Variants in IPMK observed in about 807,000 individuals in gnomAD.
The protein encoded by IPMK is inositol 1,3,4,6-tetrakisphosphate 5-kinase.
IPMK carries 17 observed loss-of-function variants against 45.8 expected under a neutral mutation model. The observed-to-expected ratio is 0.37, with a 90% CI of 0.25 to 0.56. IPMK has a LOEUF of 0.56. Among genes scored for constraint, IPMK ranks in the 20% least tolerant of loss-of-function variants. IPMK has a pLI of 0.79. For synonymous variants in IPMK, 180 were observed against 184.3 expected, an observed-to-expected ratio of 0.98 and a Z score of 0.19; for missense variants, 399 against 498.0, an observed-to-expected ratio of 0.80 and a Z score of 1.89.
In IPMK at chr10:58,193,799, G is replaced by T. The variant is rs191354578; in HGVS notation, c.*2277C>A. On this transcript the variant is annotated 3_prime_UTR_variant, in exon 6 of 6. Transcript: ENST00000373935. ...AATAGCGATCATTCATCCCCACAGT[G>T]GTAAATTTCAGCATAATATTAAGTG... The T allele has an allele frequency of 6.6e-6, 1 of 151,752 alleles. No homozygotes were observed. The highest frequency in any genetic ancestry group is 2.4e-5 in the African/African-American group (1 of 41,476). 9.4% of individuals were successfully genotyped at this position (151,752 alleles called of 1,614,324 possible).
At chr10:58,259,907 T>C (rs1182025893) in intron 1 of IPMK, among the ~76,000 whole-genome samples, 7 of 152,112 alleles carry the variant, frequency 4.6e-5, no homozygotes, top group Non-Finnish European at 7.4e-5. Flanking sequence ...GCAATTATCA[T>C]AGTACTATAT....
chr10:58,256,936 A>G (rs760211236), intron 1 of IPMK, among the ~76,000 whole-genome samples: 5 of 152,190 alleles, frequency 3.3e-5, no homozygotes, highest in Non-Finnish European at 5.9e-5. Flanking sequence ...ATGTTGGCAC[A>G]TGCCTATGGT....
At chr10:58,217,688 C>CAAAAAAAAAAAAAAAAAA (rs11393849) in intron 3 of IPMK, among the ~76,000 whole-genome samples, 18 of 49,256 alleles carry the variant, frequency 3.7e-4, no homozygotes, top group East Asian at 1.4e-3. Context: ...AACTCCATCT[C>CAAAAAAAAAAAAAAAAAA]AAAAAAAAAA....
chr10:58,221,669 T>C (rs975836055), intron 3 of IPMK, among the ~76,000 whole-genome samples: 2 of 152,030 alleles, frequency 1.3e-5, no homozygotes, highest in South Asian at 2.1e-4. Context: ...AGTGATCCTC[T>C]CGCTGCAGCC....
intron 2 of IPMK, among the ~76,000 whole-genome samples, chr10:58,229,689 A>C (rs559030219): frequency 6.6e-5 from 10 of 152,272 alleles, no homozygotes; most frequent in Admixed American, 1.3e-4. Context: ...GAACAAATGA[A>C]AGAAAGAAAG....
intron 1 of IPMK, among the ~76,000 whole-genome samples, chr10:58,247,556 C>G (rs999384660): frequency 9.2e-5 from 14 of 151,780 alleles, no homozygotes; most frequent in African/African-American, 3.4e-4. Flanking sequence ...ATCACAAGAA[C>G]AAAAAACCAA....
At chr10:58,214,217 G>A (rs1035003547) in intron 4 of IPMK, among the ~76,000 whole-genome samples, 8 of 151,810 alleles carry the variant, frequency 5.3e-5, no homozygotes, top group Admixed American at 3.3e-4. Flanking sequence ...TTCAGAGGGC[G>A]TACAGAGGAA....
At chr10:58,228,930 C>T (rs1290700518) in intron 2 of IPMK, among the ~76,000 whole-genome samples, 2 of 152,082 alleles carry the variant, frequency 1.3e-5, no homozygotes, top group East Asian at 3.9e-4. Flanking sequence ...AGTGTTAACC[C>T]AAGCAGTGAT....
At chr10:58,266,993 A>T (rs1418171901) in intron 1 of IPMK, among the ~76,000 whole-genome samples, 1 of 152,190 alleles carries the variant, frequency 6.6e-6, no homozygotes, top group Non-Finnish European at 1.5e-5. Context: ...CCCAGCAGAG[A>T]AGTACTAGAT....
At chr10:58,246,387 T>G (rs1452825942) in intron 1 of IPMK, among the ~76,000 whole-genome samples, 45 of 138,290 alleles carry the variant, frequency 3.3e-4, no homozygotes, top group Non-Finnish European at 5.9e-4. Flanking sequence ...GGCATCACAC[T>G]ACCTGACTTC....
rs529139505 is a variant in IPMK, at chr10:58,192,719, A to C, written c.*3357T>G. The C allele has an allele frequency of 7.9e-5, 12 of 152,144 alleles. No homozygotes were observed. Among genetic ancestry groups the C allele is most frequent in the African/African-American group, 2.9e-4 (12 of 41,554 alleles). The allele number at this position is 152,144 out of a possible 1,614,324, so 9.4% of individuals were successfully genotyped here. A position where few individuals can be genotyped will look rare whatever the true frequency, so the allele number is the denominator to read the frequency against. ...AAGGAATATTTTTGAATGAACTAAGAAGCCTGGCCTCCAAAGGCAACCCTA... is the reference window on the plus strand; with the variant it reads ...AAGGAATATTTTTGAATGAACTAAGCAGCCTGGCCTCCAAAGGCAACCCTA... On this transcript the variant is annotated 3_prime_UTR_variant, in exon 6 of 6. Transcript: ENST00000373935.
intron 4 of IPMK, among the ~76,000 whole-genome samples, chr10:58,213,530 AC>A (rs1371221501): frequency 6.6e-6 from 1 of 152,132 alleles, no homozygotes; most frequent in African/African-American, 2.4e-5. Context: ...TAAAAAAAAT[AC>A]TAAAAATTAG....
chr10:58,215,027 A>C (rs2790154), intron 4 of IPMK, among the ~76,000 whole-genome samples: 51,415 of 151,968 alleles, frequency 0.34, 10,941 homozygotes, highest in African/African-American at 0.61. Context: ...CAGCAAATAA[A>C]TTCCTAACCT....
At chr10:58,243,247 G>GT (rs1838723936) in intron 1 of IPMK, among the ~76,000 whole-genome samples, 3 of 151,920 alleles carry the variant, frequency 2.0e-5, no homozygotes, top group Non-Finnish European at 4.4e-5. Flanking sequence ...AAAAAAAAGG[G>GT]GTATAGGCAT....
chr10:58,230,891 G>A (rs967635018), intron 2 of IPMK, among the ~76,000 whole-genome samples: 8 of 152,088 alleles, frequency 5.3e-5, no homozygotes, highest in Non-Finnish European at 1.0e-4. Context: ...AGCTAAAGGA[G>A]GATGTTCGAA....
intron 3 of IPMK, among the ~76,000 whole-genome samples, chr10:58,226,307 T>C (rs1169868350): frequency 6.6e-6 from 1 of 152,202 alleles, no homozygotes; most frequent in Admixed American, 6.5e-5. Flanking sequence ...GAAACACCCA[T>C]GGCTTTTATT....
chr10:58,197,758 C>T lies in IPMK; in HGVS notation c.629-1060G>A, dbSNP rs376991023. Among the ~76,000 whole-genome samples, 28 of 147,362 alleles carry T rather than the reference C, an allele frequency of 1.9e-4. No homozygotes were observed. The East Asian group carries it at 5.1e-3, about 27-fold the overall frequency. On this transcript the variant is annotated intron_variant, in intron 5 of 5. Transcript: ENST00000373935. ...AGTAAAATTACTTGTTCGGGCTGGG[C>T]GCAGTGGCTCACGCCTGTAATCCCA... is the stretch of plus-strand genomic sequence containing the variant.
rs1389891264 is a variant in IPMK at position 58,195,227 on chromosome 10, T to A, written c.*849A>T. 1 of 152,066 alleles carries A rather than the reference T, an allele frequency of 6.6e-6. No individual in the cohort carries two copies. Among genetic ancestry groups the A allele is most frequent in the Non-Finnish European group, 1.5e-5 (1 of 67,916 alleles). The allele number at this position is 152,066 out of a possible 1,614,324, so 9.4% of individuals were successfully genotyped here. ...TTTAGAGGAGAAATAAAACTTCAAT[T>A]ATTTACTTTTTTGAAGCTGCATTTA... is the stretch of plus-strand genomic sequence containing the variant. On this transcript the variant is annotated 3_prime_UTR_variant, in exon 6 of 6. Transcript: ENST00000373935.
At chr10:58,218,717 C>T (rs1015701875) in intron 3 of IPMK, among the ~76,000 whole-genome samples, 1 of 152,080 alleles carries the variant, frequency 6.6e-6, no homozygotes, top group Non-Finnish European at 1.5e-5. Flanking sequence ...TACCTGTCAA[C>T]CTGACAGTGA....
Sources: allele counts gnomAD v4.1 joint callset (sites outside exome capture counted in the v4.1 genomes callset), GRCh38; gene constraint gnomAD v4.1.1; transcripts MANE v1.5; gene names NCBI Gene and HGNC (gene_info 2026-07-23, HGNC 2026-07-21).